WWOX: variants seen among roughly 807,000 people sequenced by gnomAD.
WWOX encodes WW domain containing oxidoreductase, also known as WW domain-containing oxidoreductase.
In WWOX, 69 loss-of-function variants were observed where a neutral mutation model predicts 46.2. That is an observed-to-expected ratio of 1.49 (90% confidence interval 1.23 to 1.82). The LOEUF (loss-of-function observed/expected upper bound fraction) is 1.82. Ranked by LOEUF, WWOX falls within the 40% of genes most tolerant of loss-of-function variation. The pLI is 0.00. For synonymous variants in WWOX, 359 were observed against 202.6 expected, an observed-to-expected ratio of 1.77 and a Z score of -6.56; for missense variants, 919 against 542.6, an observed-to-expected ratio of 1.69 and a Z score of -6.89.
At chr16:79,170,211 T>C (rs1252035882) in intron 8 of WWOX, among the ~76,000 whole-genome samples, 6 of 152,224 alleles carry the variant, frequency 3.9e-5, no homozygotes, top group Non-Finnish European at 8.8e-5. Context: ...TATGTTCCTT[T>C]TGCACATTTC....
chr16:79,190,427 C>G (rs1567607654), intron 8 of WWOX, among the ~76,000 whole-genome samples: 2 of 152,136 alleles, frequency 1.3e-5, no homozygotes, highest in Non-Finnish European at 2.9e-5. Context: ...GACCACTGGA[C>G]TTTGGAATAT....
At chr16:78,595,815 TG>T (rs2045475737) in intron 8 of WWOX, among the ~76,000 whole-genome samples, 1 of 152,250 alleles carries the variant, frequency 6.6e-6, no homozygotes, top group East Asian at 1.9e-4. Context: ...ACCCGCTTTT[TG>T]AACTGTTCTG....
rs78717420 is a variant in WWOX, at chr16:78,586,241, G to A, written c.1056+153489G>A. Among the ~76,000 whole-genome samples the A allele has an allele frequency of 1.1e-3, 175 of 152,224 alleles. 5 individuals are homozygous for A. The East Asian group carries it at 0.026, about 23-fold the overall frequency. On this transcript the variant is annotated intron_variant, in intron 8 of 8. Transcript: ENST00000566780. ...AAAATTCAGAATTGGAAGTTGCATT[G>A]AGCCAAGATCATGCCACTGCATTTC... is the stretch of plus-strand genomic sequence containing the variant.
In WWOX at chr16:79,194,761, C is replaced by T. The variant is rs190642219; in HGVS notation, c.1057-16847C>T. Among the ~76,000 whole-genome samples, 3 of 152,256 alleles carry T rather than the reference C, an allele frequency of 2.0e-5. No individual in the cohort carries two copies. In the East Asian group the frequency reaches 5.8e-4, roughly 29 times the overall value. On this transcript the variant is annotated intron_variant, in intron 8 of 8. Coordinates refer to ENST00000566780, the MANE Select transcript of WWOX (RefSeq NM_016373.4). ...AAAATTTTTGTTGATGTTTCTTGAT[C>T]ACTGAGTTAAATAATTTTTCCCCGT...
At chr16:78,976,225 C>A (rs2046569930) in intron 8 of WWOX, among the ~76,000 whole-genome samples, 1 of 152,134 alleles carries the variant, frequency 6.6e-6, no homozygotes, top group South Asian at 2.1e-4. Flanking sequence ...AAGTTTTTTT[C>A]CTTGCAAATC....
intron 8 of WWOX, among the ~76,000 whole-genome samples, chr16:78,792,113 C>T (rs964862410): frequency 1.3e-5 from 2 of 152,076 alleles, no homozygotes; most frequent in African/African-American, 2.4e-5. Flanking sequence ...TAGTCATTGC[C>T]GCAGGCTTGC....
chr16:79,057,886 C>A (rs1176677737), intron 8 of WWOX, among the ~76,000 whole-genome samples: 1 of 152,138 alleles, frequency 6.6e-6, no homozygotes, highest in Non-Finnish European at 1.5e-5. Flanking sequence ...CCATAATGTG[C>A]AAGGATATCC....
intron 8 of WWOX, among the ~76,000 whole-genome samples, chr16:78,510,649 A>G (rs907126991): frequency 9.9e-5 from 15 of 152,238 alleles, no homozygotes; most frequent in Admixed American, 6.5e-4. Flanking sequence ...GTGAGAATCA[A>G]TTGGCTCTGT....
chr16:78,664,146 G>C (rs2548831), intron 8 of WWOX, among the ~76,000 whole-genome samples: 1 of 152,202 alleles, frequency 6.6e-6, no homozygotes, highest in Non-Finnish European at 1.5e-5. Context: ...GAGTTAAAGA[G>C]AGCAACTAAG....
intron 8 of WWOX, among the ~76,000 whole-genome samples, chr16:78,774,132 G>A (rs2050130126): frequency 6.6e-6 from 1 of 152,186 alleles, no homozygotes; most frequent in Non-Finnish European, 1.5e-5. Flanking sequence ...GCTGGGTGCA[G>A]TGACTCATCC....
At chr16:78,399,256 G>C (rs148287910) in intron 6 of WWOX, among the ~76,000 whole-genome samples, 5 of 152,342 alleles carry the variant, frequency 3.3e-5, no homozygotes, top group Non-Finnish European at 7.3e-5. Context: ...CTAAGGTGCC[G>C]ATTCTCAGTG....
intron 8 of WWOX, among the ~76,000 whole-genome samples, chr16:79,210,680 A>G (rs1379589937): frequency 3.3e-5 from 5 of 152,166 alleles, no homozygotes; most frequent in Admixed American, 2.0e-4. Flanking sequence ...CGTGCCGACC[A>G]TGTCTCCCTC....
In WWOX at chr16:79,190,581, AATGTCAAGTCCATT is replaced by A. The variant is rs573311230; in HGVS notation, c.1057-21026_1057-21013del. ...TTAAACTGGCACGACAGTTCAGTCA[AATGTCAAGTCCATT>A]TTGTCAAGGGAGGGAACTCATTCAG... On this transcript the variant is annotated intron_variant, in intron 8 of 8. Coordinates refer to ENST00000566780, the MANE Select transcript of WWOX (RefSeq NM_016373.4). Among the ~76,000 whole-genome samples, 549 of 152,300 alleles carry A rather than the reference AATGTCAAGTCCATT, an allele frequency of 3.6e-3. 4 individuals are homozygous for A. The highest frequency in any genetic ancestry group is 5.9e-3 in the Non-Finnish European group (401 of 68,022).
At chr16:78,652,098 C>T (rs950635583) in intron 8 of WWOX, among the ~76,000 whole-genome samples, 1 of 152,100 alleles carries the variant, frequency 6.6e-6, no homozygotes, top group Admixed American at 6.5e-5. Flanking sequence ...CAGCTTGAGA[C>T]CAGGGCTCCT....
intron 8 of WWOX, among the ~76,000 whole-genome samples, chr16:79,091,287 T>C (rs75199446): frequency 6.7e-6 from 1 of 149,104 alleles, no homozygotes; most frequent in East Asian, 2.0e-4. Flanking sequence ...TTAATGCTGC[T>C]TTTTTTTTTC....
At chr16:78,926,220 A>C (rs755760072) in intron 8 of WWOX, among the ~76,000 whole-genome samples, 1 of 152,124 alleles carries the variant, frequency 6.6e-6, no homozygotes, top group Non-Finnish European at 1.5e-5. Flanking sequence ...AAAAATTTAC[A>C]AGCTTAGCCA....
At chr16:78,540,596 A>C (rs944439747) in intron 8 of WWOX, among the ~76,000 whole-genome samples, 1 of 152,116 alleles carries the variant, frequency 6.6e-6, no homozygotes, top group Admixed American at 6.5e-5. Context: ...TGAAATCTGC[A>C]TGGAGTGGTT....
intron 6 of WWOX, among the ~76,000 whole-genome samples, chr16:78,408,109 T>G (rs1327813073): frequency 6.6e-6 from 1 of 152,090 alleles, no homozygotes; most frequent in Non-Finnish European, 1.5e-5. Context: ...GAAACCCCAC[T>G]TCCAAGTTGA....
In WWOX at chr16:78,494,617, C is replaced by G. The variant is rs149971411; in HGVS notation, c.1056+61865C>G. 5.6e-3 allele frequency among the ~76,000 whole-genome samples: 846 copies of G among 152,268 alleles called. 12 individuals carry two copies. The highest frequency in any genetic ancestry group is 0.02 in the African/African-American group (815 of 41,540). On this transcript the variant is annotated intron_variant, in intron 8 of 8. Transcript: ENST00000566780. ...GTCCAGGAGTCTTCTGTGTGAACCC[C>G]ACACAGGTACCTTGGAAAGACTGCA...
Sources: gnomAD v4.1 joint callset for allele counts (sites outside exome capture counted in the v4.1 genomes callset) on GRCh38, gnomAD v4.1.1 for gene constraint, MANE v1.5 for transcripts, NCBI Gene and HGNC (gene_info 2026-07-23, HGNC 2026-07-21) for gene names.